FOXP1: variants seen among roughly 807,000 people sequenced by gnomAD.
The protein encoded by FOXP1 is forkhead box P1.
A neutral mutation model predicts 98.2 loss-of-function variants in FOXP1; 15 were observed. The ratio of observed to expected loss-of-function variants is 0.15; its 90% CI spans 0.10 to 0.24. FOXP1 has a LOEUF of 0.24. FOXP1 is among the 10% of genes least tolerant of loss of function. The pLI is 1.00. For missense variants in FOXP1, 633 were observed against 848.5 expected (o/e 0.75, Z 3.15); for synonymous variants, 371 against 314.5 (o/e 1.18, Z -1.90).
intron 5 of FOXP1, among the ~76,000 whole-genome samples, chr3:71,256,977 C>G (rs2068677207): frequency 6.6e-6 from 1 of 152,142 alleles, no homozygotes; most frequent in East Asian, 1.9e-4. Context: ...GCTATTCATC[C>G]AATATCTTCT....
At chr3:71,018,753 AGG>A (rs2044915491) in intron 11 of FOXP1, among the ~76,000 whole-genome samples, 1 of 152,162 alleles carries the variant, frequency 6.6e-6, no homozygotes, top group South Asian at 2.1e-4. Context: ...GCCTCTGGGG[AGG>A]GGTACAGGGA....
At chr3:70,981,148 C>T (rs2038764626) in intron 14 of FOXP1, among the ~76,000 whole-genome samples, 1 of 125,890 alleles carries the variant, frequency 7.9e-6, no homozygotes, top group Non-Finnish European at 1.6e-5. Context: ...GGATGTGAGC[C>T]TTGTAGCTAT....
intron 2 of FOXP1, chr3:71,572,080 C>T (rs992210038): frequency 6.6e-6 from 1 of 152,178 alleles, no homozygotes; most frequent in Non-Finnish European, 1.5e-5. Flanking sequence ...GTATAAAGCG[C>T]CTGTTAATTA....
At chr3:71,064,140 CAG>C (rs748566598) in intron 7 of FOXP1, among the ~76,000 whole-genome samples, 1 of 152,300 alleles carries the variant, frequency 6.6e-6, no homozygotes, top group Middle Eastern at 3.4e-3. Context: ...CCCAACCTGC[CAG>C]AGTGTTCCAT....
intron 7 of FOXP1, among the ~76,000 whole-genome samples, chr3:71,076,297 G>A (rs1259519397): frequency 6.6e-6 from 1 of 152,036 alleles, no homozygotes; most frequent in African/African-American, 2.4e-5. Context: ...CTAACTCGAA[G>A]GAAGAAATGG....
At chr3:71,216,195 A>G (rs1299745708) in intron 5 of FOXP1, among the ~76,000 whole-genome samples, 2 of 152,236 alleles carry the variant, frequency 1.3e-5, no homozygotes, top group Non-Finnish European at 2.9e-5. Context: ...CTTGCACAGC[A>G]CTGCACCTGG....
chr3:71,243,922 A>C (rs1487536856), intron 5 of FOXP1, among the ~76,000 whole-genome samples: 3 of 152,214 alleles, frequency 2.0e-5, no homozygotes, highest in African/African-American at 7.2e-5. Context: ...ATTAGAGAAG[A>C]AAATAATTGA....
chr3:71,556,576 CAAAAAAAAAAAA>C (rs757217111), intron 2 of FOXP1, among the ~76,000 whole-genome samples: 2 of 29,818 alleles, frequency 6.7e-5, no homozygotes, highest in South Asian at 1.5e-3. Flanking sequence ...GACTCCGTCT[CAAAAAAAAAAAA>C]AAAAAAAAAA....
chr3:71,068,740 G>A (rs759135948), intron 7 of FOXP1, among the ~76,000 whole-genome samples: 2 of 152,174 alleles, frequency 1.3e-5, no homozygotes, highest in Non-Finnish European at 2.9e-5. Context: ...TCAACCAACT[G>A]ATTCCAATTC....
At chr3:71,225,440 A>G (rs1304292588) in intron 5 of FOXP1, among the ~76,000 whole-genome samples, 1 of 152,184 alleles carries the variant, frequency 6.6e-6, no homozygotes, top group Non-Finnish European at 1.5e-5. Flanking sequence ...TAAACAAATA[A>G]CTCTTAAAAG....
At chr3:71,110,448 G>A (rs930310172) in intron 7 of FOXP1, among the ~76,000 whole-genome samples, 1 of 152,132 alleles carries the variant, frequency 6.6e-6, no homozygotes, top group Non-Finnish European at 1.5e-5. Flanking sequence ...CTTGAGGCCT[G>A]ATGAATTCAA....
chr3:71,242,156 G>A (rs1034360827), intron 5 of FOXP1, among the ~76,000 whole-genome samples: 3 of 152,140 alleles, frequency 2.0e-5, no homozygotes, highest in African/African-American at 4.8e-5. Context: ...GACCTGTCTC[G>A]AACAAGCAAA....
At chr3:71,365,744 G>A (rs2078879441) in intron 3 of FOXP1, among the ~76,000 whole-genome samples, 1 of 152,168 alleles carries the variant, frequency 6.6e-6, no homozygotes, top group Admixed American at 6.5e-5. Flanking sequence ...CAGCACTTTG[G>A]GAGGCCAAGC....
chr3:71,053,821 C>T lies in FOXP1; in HGVS notation c.283-48G>A, dbSNP rs774189512. ...ATAGGAAGCCAGGAAATCAGAAGCA[C>T]GCAGCCTCCCAGGTTCAGCAGCTGA... On this transcript the variant is annotated intron_variant, in intron 7 of 20. Transcript: ENST00000649528. The T allele has an allele frequency of 7.4e-5, 120 of 1,611,206 alleles. 1 individual carries two copies. The Admixed American group carries it at 1.4e-3, about 19-fold the overall frequency.
intron 7 of FOXP1, among the ~76,000 whole-genome samples, chr3:71,097,069 C>T (rs1022284464): frequency 1.3e-5 from 2 of 152,140 alleles, no homozygotes; most frequent in Admixed American, 6.5e-5. Context: ...TGCTAGATTT[C>T]GGCCCTTGCT....
chr3:71,129,534 G>A (rs1164057502), intron 6 of FOXP1, among the ~76,000 whole-genome samples: 4 of 152,094 alleles, frequency 2.6e-5, no homozygotes, highest in Non-Finnish European at 5.9e-5. Context: ...ATTCTCTTAA[G>A]ATCAAAAGAG....
At position 70,978,619 on chromosome 3, in the gene FOXP1, G is replaced by GAGCT. The variant is rs1559623931; in HGVS notation, c.1147-594_1147-591dup. ...CTAGACAGCCCAGGAAGAGCCTACT[G>GAGCT]AGCTCCCTCATGCAGCTTCGTGGAT... On this transcript the variant is annotated intron_variant, in intron 14 of 20. Transcript: ENST00000649528. Among the ~76,000 whole-genome samples the GAGCT allele has an allele frequency of 3.3e-5, 5 of 152,322 alleles. No individual in the cohort carries two copies. In the South Asian group the frequency reaches 1.0e-3, roughly 32 times the overall value.
At chr3:71,145,528 C>A (rs531536433) in intron 6 of FOXP1, among the ~76,000 whole-genome samples, 1 of 151,982 alleles carries the variant, frequency 6.6e-6, no homozygotes, top group Admixed American at 6.6e-5. Context: ...GGTGAAAGAG[C>A]GAGACTCCAT....
intron 5 of FOXP1, among the ~76,000 whole-genome samples, chr3:71,222,865 C>T (rs1022055963): frequency 1.3e-5 from 2 of 152,162 alleles, no homozygotes; most frequent in Non-Finnish European, 2.9e-5. Context: ...TCATCAGGCT[C>T]CCAAACTCAA....
Sources: allele counts gnomAD v4.1 joint callset (sites outside exome capture counted in the v4.1 genomes callset), GRCh38; gene constraint gnomAD v4.1.1; transcripts MANE v1.5; gene names NCBI Gene and HGNC (gene_info 2026-07-23, HGNC 2026-07-21).